Variants in ATRN observed in about 807,000 individuals in gnomAD.
ATRN encodes the protein attractin.
A neutral mutation model predicts 178.7 loss-of-function variants in ATRN; 54 were observed. The observed-to-expected ratio is 0.30, with a 90% confidence interval of 0.24 to 0.38. The LOEUF is 0.38. Ranked by LOEUF, ATRN falls within the 10% of genes least tolerant of loss-of-function variation. The pLI is 1.00. For synonymous variants in ATRN, 636 were observed against 663.0 expected, an observed-to-expected ratio of 0.96 and a Z score of 0.63; for missense variants, 1,443 against 1,815.1, an observed-to-expected ratio of 0.79 and a Z score of 3.73.
chr20:3,603,227 C>G (rs2086635640), intron 23 of ATRN, among the ~76,000 whole-genome samples: 1 of 152,100 alleles, frequency 6.6e-6, no homozygotes, highest in African/African-American at 2.4e-5. Flanking sequence ...TGAGTGACCC[C>G]TTGAACCCCT....
chr20:3,609,714 ATGTGTGTGTGTGTGTGTGTG>A (rs34028518), intron 24 of ATRN, among the ~76,000 whole-genome samples: 2 of 146,114 alleles, frequency 1.4e-5, no homozygotes, highest in Admixed American at 6.8e-5. Context: ...GTATGTATGT[ATGTGTGTGTGTGTGTGTGTG>A]TGTGTGTGTG....
At chr20:3,563,428 A>T (rs2085982170) in intron 10 of ATRN, 65 bp downstream of exon 10, 1 of 1,484,180 alleles carries the variant, frequency 6.7e-7, no homozygotes, top group East Asian at 2.3e-5. Flanking sequence ...CAGCATTTAA[A>T]AGGAGACTGA....
intron 6 of ATRN, among the ~76,000 whole-genome samples, chr20:3,554,196 T>C (rs2085829346): frequency 6.6e-6 from 1 of 152,146 alleles, no homozygotes; most frequent in Non-Finnish European, 1.5e-5. Context: ...TTCTACAGCT[T>C]TATTTGTTTC....
chr20:3,633,414 G>A (rs1399018039), intron 25 of ATRN, among the ~76,000 whole-genome samples: 1 of 152,174 alleles, frequency 6.6e-6, no homozygotes. Context: ...CAGCAGTTGG[G>A]TGCACTGAGG....
intron 1 of ATRN, among the ~76,000 whole-genome samples, chr20:3,511,270 G>A (rs1220851744): frequency 6.6e-6 from 1 of 152,090 alleles, no homozygotes; most frequent in East Asian, 1.9e-4. Context: ...GTACAGAAGC[G>A]AGGATTAACA....
At chr20:3,589,808 A>G (rs1163146268) in intron 18 of ATRN, among the ~76,000 whole-genome samples, 2 of 152,172 alleles carry the variant, frequency 1.3e-5, no homozygotes, top group African/African-American at 4.8e-5. Context: ...CCTCATTGGA[A>G]GAAGGAAGGA....
In ATRN at chr20:3,629,256, C is replaced by A. The variant is rs1422640243; in HGVS notation, c.3863+4684C>A. 17 of 985,282 alleles carry A rather than the reference C, an allele frequency of 1.7e-5. 1 individual carries two copies. Among genetic ancestry groups the A allele is most frequent in the Non-Finnish European group, 2.0e-5 (17 of 829,920 alleles). 61.0% of individuals were successfully genotyped at this position (985,282 alleles called of 1,614,324 possible). On this transcript the variant is annotated intron_variant, in intron 25 of 28. Transcript: ENST00000262919. ...TAAAGATCATGTATCTAGCCCCTTA[C>A]CTTCCTGTCGTATCTAAAATAAAAT...
chr20:3,641,317 G>A (rs1308457207), intron 27 of ATRN, among the ~76,000 whole-genome samples: 4 of 152,142 alleles, frequency 2.6e-5, no homozygotes, highest in Admixed American at 2.6e-4. Flanking sequence ...GAGGCCGGGT[G>A]TGGTGGCTAA....
At chr20:3,508,120 G>A (rs1192529980) in intron 1 of ATRN, among the ~76,000 whole-genome samples, 1 of 151,844 alleles carries the variant, frequency 6.6e-6, no homozygotes, top group Non-Finnish European at 1.5e-5. Flanking sequence ...AGGCTGAGGC[G>A]GGATGATTCC....
chr20:3,578,564 T>C lies in ATRN; in HGVS notation c.2354-18T>C, dbSNP rs1364637099. The stretch of plus-strand genomic sequence containing the variant: ...GATTTCTAAAATTCTTTTCTTTCTC[T>C]TTTCCCCTTAATGAAAGAAAATATC... On this transcript the variant is annotated intron_variant, in intron 14 of 28. Transcript: ENST00000262919. 41 of 1,586,282 alleles carry C rather than the reference T, an allele frequency of 2.6e-5. No homozygotes were observed. Among genetic ancestry groups the C allele is most frequent in the Non-Finnish European group, 3.3e-5 (39 of 1,164,964 alleles).
intron 1 of ATRN, among the ~76,000 whole-genome samples, chr20:3,512,107 A>ATATATATATATATATTT: frequency 1.9e-3 from 206 of 106,234 alleles, no homozygotes; most frequent in Non-Finnish European, 3.2e-3. Context: ...ATATATATAT[A>ATATATATATATATATTT]TTTTTTTTTT....
chr20:3,590,096 C>A (rs2086418563), intron 18 of ATRN, among the ~76,000 whole-genome samples: 1 of 152,104 alleles, frequency 6.6e-6, no homozygotes, highest in African/African-American at 2.4e-5. Flanking sequence ...ATTACAGGCA[C>A]CTGCCACCAC....
chr20:3,472,016 C>T (rs2146047985), intron 1 of ATRN, among the ~76,000 whole-genome samples: 1 of 152,228 alleles, frequency 6.6e-6, no homozygotes, highest in South Asian at 2.1e-4. Context: ...GAAAGGGTAG[C>T]ATTGTAAGAT....
At chr20:3,517,158 ATCTG>A (rs1356825429) in intron 1 of ATRN, among the ~76,000 whole-genome samples, 1 of 152,130 alleles carries the variant, frequency 6.6e-6, no homozygotes, top group East Asian at 1.9e-4. Flanking sequence ...GTTTCCTGTA[ATCTG>A]TCTACCTTTT....
chr20:3,612,844 G>T (rs1260478871), intron 24 of ATRN, among the ~76,000 whole-genome samples: 1 of 152,092 alleles, frequency 6.6e-6, no homozygotes. Context: ...TAGATTCTTA[G>T]TGAAAATCTT....
intron 1 of ATRN, among the ~76,000 whole-genome samples, chr20:3,480,148 A>G (rs1468918518): frequency 6.6e-6 from 1 of 152,184 alleles, no homozygotes; most frequent in Non-Finnish European, 1.5e-5. Flanking sequence ...GTCCCTTCCC[A>G]ACAATCTCCA....
chr20:3,504,923 G>A (rs373718864), intron 1 of ATRN, among the ~76,000 whole-genome samples: 6 of 151,950 alleles, frequency 3.9e-5, no homozygotes, highest in Non-Finnish European at 7.4e-5. Flanking sequence ...ATTATAAGCC[G>A]TATGTTTATA....
chr20:3,497,481 A>G (rs1333442683), intron 1 of ATRN, among the ~76,000 whole-genome samples: 1 of 151,998 alleles, frequency 6.6e-6, no homozygotes, highest in African/African-American at 2.4e-5. Context: ...AGATTGTTGA[A>G]TATTGGCCCC....
chr20:3,581,990 A>T, intron 15 of ATRN, 145 bp from the exon 16 acceptor site: 3 of 699,292 alleles, frequency 4.3e-6, no homozygotes, highest in Non-Finnish European at 7.1e-6. Context: ...CTATAATCTC[A>T]ACATTTTGGG....
Sources: allele counts gnomAD v4.1 joint callset (sites outside exome capture counted in the v4.1 genomes callset), GRCh38; gene constraint gnomAD v4.1.1; transcripts MANE v1.5; gene names NCBI Gene and HGNC (gene_info 2026-07-23, HGNC 2026-07-21).